The following SUZ12 variants were observed in gnomAD, a reference collection of about 807,000 sequenced individuals.
SUZ12 encodes the protein SUZ12 polycomb repressive complex 2 subunit.
SUZ12 carries 17 observed loss-of-function variants against 87.3 expected under a neutral mutation model. The observed-to-expected ratio is 0.19, with a 90% CI of 0.13 to 0.29. The LOEUF (loss-of-function observed/expected upper bound fraction) is 0.29. Ranked by LOEUF, SUZ12 falls within the 10% of genes least tolerant of loss-of-function variation. The pLI is 1.00. For synonymous variants in SUZ12, 253 were observed against 312.4 expected, an observed-to-expected ratio of 0.81 and a Z score of 2.01; for missense variants, 526 against 912.2, an observed-to-expected ratio of 0.58 and a Z score of 5.45.
At position 31,986,049 on chromosome 17, in the gene SUZ12, A is replaced by C. The variant is rs151053034; in HGVS notation, c.1024-2271A>C. On this transcript the variant is annotated intron_variant, in intron 9 of 15. Transcript: ENST00000322652. ...AATGGCGCGGTCTCAGTTCACTGCA[A>C]CCTCTGCCTCCTGGGTTCAAGCAAT... 2.2e-3 allele frequency among the ~76,000 whole-genome samples: 334 copies of C among 151,648 alleles called. 1 individual carries two copies. Among genetic ancestry groups the C allele is most frequent in the African/African-American group, 7.4e-3 (304 of 41,286 alleles).
chr17:31,940,589 T>C (rs540369356), intron 3 of SUZ12, 103 bp downstream of exon 3: 2 of 1,465,662 alleles, frequency 1.4e-6, no homozygotes, highest in Non-Finnish European at 1.8e-6. Context: ...AAATAAGTAC[T>C]ATTTCTAACT....
intron 5 of SUZ12, among the ~76,000 whole-genome samples, chr17:31,968,141 G>A (rs1384030460): frequency 6.6e-6 from 1 of 152,204 alleles, no homozygotes; most frequent in Non-Finnish European, 1.5e-5. Context: ...CTGTACTCCA[G>A]CCTGAGTGAC....
chr17:31,991,613 A>T (rs942296958), intron 10 of SUZ12, among the ~76,000 whole-genome samples: 2 of 151,710 alleles, frequency 1.3e-5, no homozygotes, highest in Non-Finnish European at 2.9e-5. Context: ...TGAAATAATT[A>T]TTTTTTTTGG....
intron 1 of SUZ12, among the ~76,000 whole-genome samples, chr17:31,939,449 A>C (rs1906135294): frequency 1.3e-5 from 2 of 151,940 alleles, no homozygotes; most frequent in Admixed American, 6.6e-5. Context: ...CTGTATTAGG[A>C]ATGTCTGGAT....
rs1266175734 is a variant in SUZ12 at position 31,995,616 on chromosome 17, G to A, written c.1648G>A (p.Glu550Lys). 6.2e-7 allele frequency: 1 copy of A among 1,614,000 alleles called. No homozygotes were observed. Among genetic ancestry groups the A allele is most frequent in the East Asian group, 2.2e-5 (1 of 44,852 alleles). The change falls in exon 14 of 16, where the codon GAA becomes AAA. Residue 550 changes from glutamate (E) to lysine (K), a missense_variant. By Grantham distance (56) the Glu-to-Lys change is moderately conservative (BLOSUM62 1). Coordinates refer to ENST00000322652, the MANE Select transcript of SUZ12 (RefSeq NM_015355.4). ...TGAATTTCTTGAATCTGAAGATGGG[G>A]AAGTAGAACAGCAAAGAACATATAG... ...MSEFLESEDG[E>K]VEQQRTYSSG...
In SUZ12 at chr17:31,976,460, A is replaced by G. The variant is rs988676466; in HGVS notation, c.824-61A>G. 179 of 1,294,490 alleles carry G rather than the reference A, an allele frequency of 1.4e-4. 1 individual carries two copies. The highest frequency in any genetic ancestry group is 1.9e-4 in the Non-Finnish European group (171 of 907,426). 80.2% of individuals were successfully genotyped at this position (1,294,490 alleles called of 1,614,324 possible). On this transcript the variant is annotated intron_variant, in intron 7 of 15. Coordinates refer to ENST00000322652, the MANE Select transcript of SUZ12 (RefSeq NM_015355.4). Reference sequence around the variant, plus strand: ...GTAGCATGTTTTATGTTAAGGGACCATATATCATAACACATTTTTGTTCTA... The same window carrying G: ...GTAGCATGTTTTATGTTAAGGGACCGTATATCATAACACATTTTTGTTCTA...
At chr17:31,966,343 G>A in intron 5 of SUZ12, 147 bp downstream of exon 5, 1 of 714,632 alleles carries the variant, frequency 1.4e-6, no homozygotes, top group Non-Finnish European at 2.3e-6. Flanking sequence ...TTTAAGGTAT[G>A]AAGGCTAATG....
chr17:31,949,575 G>A (rs1906823203), intron 4 of SUZ12, among the ~76,000 whole-genome samples: 1 of 133,406 alleles, frequency 7.5e-6, no homozygotes, highest in Admixed American at 8.6e-5. Flanking sequence ...TCAGCTCACT[G>A]CAACTGCCAC....
rs555279728 is a variant in SUZ12, at chr17:31,988,235, C to T, written c.1024-85C>T. 5.0e-5 allele frequency: 66 copies of T among 1,333,178 alleles called. No homozygotes were observed. The African/African-American group carries it at 9.9e-4, about 20-fold the overall frequency. 82.6% of individuals were successfully genotyped at this position (1,333,178 alleles called of 1,614,324 possible). Reference sequence around the variant, plus strand: ...ATCTATTAAGGCAAATCCACATTGACTTATAATGAATTTTTTTTAATTTCT... The same window carrying T: ...ATCTATTAAGGCAAATCCACATTGATTTATAATGAATTTTTTTTAATTTCT... On this transcript the variant is annotated intron_variant, in intron 9 of 15. Coordinates refer to ENST00000322652, the MANE Select transcript of SUZ12 (RefSeq NM_015355.4).
intron 4 of SUZ12, chr17:31,965,757 C>G (rs1303427840): frequency 6.4e-6 from 1 of 156,682 alleles, no homozygotes; most frequent in East Asian, 1.8e-4. Context: ...AAAAGAATTC[C>G]AAAAACCCTC....
intron 3 of SUZ12, among the ~76,000 whole-genome samples, chr17:31,946,858 TGG>T (rs1291209525): frequency 6.6e-6 from 1 of 152,190 alleles, no homozygotes; most frequent in Non-Finnish European, 1.5e-5. Context: ...TTCTATTTTT[TGG>T]GAAATAGCTT....
intron 4 of SUZ12, among the ~76,000 whole-genome samples, chr17:31,962,733 T>C (rs1907811548): frequency 6.6e-6 from 1 of 152,250 alleles, no homozygotes; most frequent in African/African-American, 2.4e-5. Flanking sequence ...CTATTTCATA[T>C]GTAAGGCTTT....
intron 4 of SUZ12, among the ~76,000 whole-genome samples, chr17:31,958,747 GA>G (rs1366206844): frequency 1.3e-5 from 2 of 152,238 alleles, no homozygotes; most frequent in Non-Finnish European, 2.9e-5. Flanking sequence ...TCGGGAGGCT[GA>G]GGCAGGAGAA....
intron 8 of SUZ12, among the ~76,000 whole-genome samples, chr17:31,977,639 C>A (rs935760880): frequency 6.6e-6 from 1 of 152,016 alleles, no homozygotes; most frequent in East Asian, 2.0e-4. Flanking sequence ...GCCTGTAATC[C>A]CAGCTCTTTG....
chr17:31,937,190 C>G lies in SUZ12; in HGVS notation c.-57C>G. 7.2e-7 allele frequency: 1 copy of G among 1,379,322 alleles called. No individual in the cohort carries two copies. The highest frequency in any genetic ancestry group is 9.3e-7 in the Non-Finnish European group (1 of 1,074,334). The allele number at this position is 1,379,322 out of a possible 1,614,324, so 85.4% of individuals were successfully genotyped here. Reference sequence around the variant, plus strand: ...GGGCGAGCGGTTGGTATTGCAGGCGCTTGCTCTCCGGGGCCGCCCGGCGGG... The same window carrying G: ...GGGCGAGCGGTTGGTATTGCAGGCGGTTGCTCTCCGGGGCCGCCCGGCGGG... On this transcript the variant is annotated 5_prime_UTR_variant, in exon 1 of 16. Transcript: ENST00000322652.
chr17:31,950,118 C>G (rs1266326492), intron 4 of SUZ12, among the ~76,000 whole-genome samples: 1 of 152,096 alleles, frequency 6.6e-6, no homozygotes, highest in East Asian at 1.9e-4. Context: ...TCCCAAGTAG[C>G]AGGGATTACA....
intron 13 of SUZ12, among the ~76,000 whole-genome samples, chr17:31,995,203 G>A (rs1163803243): frequency 4.6e-5 from 7 of 152,072 alleles, no homozygotes; most frequent in Non-Finnish European, 1.0e-4. Context: ...CAGTGTTAAC[G>A]GCTTTTCTGC....
At chr17:31,979,176 C>T (rs1302548731) in intron 8 of SUZ12, among the ~76,000 whole-genome samples, 2 of 148,732 alleles carry the variant, frequency 1.3e-5, no homozygotes, top group African/African-American at 2.5e-5. Flanking sequence ...ATTTAATATC[C>T]ACATACCCTT....
intron 5 of SUZ12, 90 bp from the exon 6 acceptor site, chr17:31,973,056 T>G: frequency 8.0e-7 from 1 of 1,249,566 alleles, no homozygotes; most frequent in Non-Finnish European, 1.1e-6. Flanking sequence ...GTGGGAAATC[T>G]CTGTTTGAAG....
Sources: allele counts gnomAD v4.1 joint callset (sites outside exome capture counted in the v4.1 genomes callset), GRCh38; gene constraint gnomAD v4.1.1; transcripts MANE v1.5; gene names NCBI Gene and HGNC (gene_info 2026-07-23, HGNC 2026-07-21).